ATP13A2: variants seen among roughly 807,000 people sequenced by gnomAD.
ATP13A2 encodes ATPase cation transporting 13A2.
A neutral mutation model predicts 138.3 loss-of-function variants in ATP13A2; 83 were observed. The observed-to-expected ratio is 0.60, with a 90% CI of 0.50 to 0.72. The LOEUF (loss-of-function observed/expected upper bound fraction) is 0.72, where lower values mean the gene tolerates loss of function less well. Ranked by LOEUF, ATP13A2 falls within the 30% of genes least tolerant of loss-of-function variation. ATP13A2 has a pLI of 0.00. For missense variants in ATP13A2, 1,402 were observed against 1,606.4 expected (o/e 0.87, Z 2.17); for synonymous variants, 663 against 699.0 (o/e 0.95, Z 0.81).
At position 16,993,853 on chromosome 1, in the gene ATP13A2, G is replaced by A. The variant is rs371249578; in HGVS notation, c.1543-18C>T. On this transcript the variant is annotated intron_variant, in intron 15 of 28. Transcript: ENST00000326735. ...GTGCCCGTCTGTGGGAGACAGGTGG[G>A]TGGGGCAGCGATGAGTCCTGGGATG... 5.2e-6 allele frequency: 8 copies of A among 1,537,250 alleles called. No individual in the cohort carries two copies. Among genetic ancestry groups the A allele is most frequent in the Admixed American group, 4.0e-5 (2 of 50,288 alleles).
At chr1:17,000,667 G>T in intron 8 of ATP13A2, 133 bp from the exon 9 acceptor site, 1 of 1,216,266 alleles carries the variant, frequency 8.2e-7, no homozygotes, top group Non-Finnish European at 1.1e-6. Context: ...CTTTCTCCTG[G>T]TCAATCCCAT....
At position 16,986,786 on chromosome 1, in the gene ATP13A2, C is replaced by T. The variant is rs1166217990; in HGVS notation, c.3235+19G>A. 1.9e-6 allele frequency: 3 copies of T among 1,609,424 alleles called. No homozygotes were observed. Among genetic ancestry groups the T allele is most frequent in the Non-Finnish European group, 2.5e-6 (3 of 1,178,640 alleles). On this transcript the variant is annotated intron_variant, in intron 27 of 28. Coordinates refer to ENST00000326735, the MANE Select transcript of ATP13A2 (RefSeq NM_022089.4). The surrounding 1 kb of genome is among the most constrained non-coding windows in gnomAD (Gnocchi z 6.9). The stretch of plus-strand genomic sequence containing the variant: ...TCCCTCCCTCCGCCAGCATCTCCCG[C>T]CCGCGCCCGCAGTGGCACCATTGGT...
chr1:16,989,846 G>T (rs778854959), intron 22 of ATP13A2, 41 bp downstream of exon 22: 2 of 1,610,270 alleles, frequency 1.2e-6, no homozygotes, highest in Non-Finnish European at 1.7e-6. Context: ...AGACAGAGCA[G>T]GGGAGGCGCA....
rs2101106770 is a variant in ATP13A2, at chr1:17,004,935, T to G, written c.347+79A>C. The G allele has an allele frequency of 1.2e-6, 2 of 1,608,334 alleles. No homozygotes were observed. The highest frequency in any genetic ancestry group is 8.5e-7 in the Non-Finnish European group (1 of 1,176,682). On this transcript the variant is annotated intron_variant, in intron 4 of 28. Coordinates refer to ENST00000326735, the MANE Select transcript of ATP13A2 (RefSeq NM_022089.4). The surrounding 1 kb of genome is among the most constrained non-coding windows in gnomAD (Gnocchi z 4.1). ...TGGGAGGCGCCAGAGTCAGCCTTTA[T>G]GGGGGGGCCGAGGGTTGGGGAAGTT... is the stretch of plus-strand genomic sequence containing the variant.
At chr1:17,005,922 G>T in intron 1 of ATP13A2, 144 bp from the exon 2 acceptor site, 2 of 705,658 alleles carry the variant, frequency 2.8e-6, no homozygotes, top group South Asian at 1.8e-5. Context: ...ATCACCTGAG[G>T]TTAGAAGTTC....
At chr1:17,005,243 G>C in intron 3 of ATP13A2, 131 bp downstream of exon 3, 1 of 1,470,450 alleles carries the variant, frequency 6.8e-7, no homozygotes, top group Non-Finnish European at 9.3e-7. Context: ...GAAAGCTGAG[G>C]TCCAGAGAAG....
At position 16,992,533 on chromosome 1, in the gene ATP13A2, A is replaced by G; in HGVS notation, c.1798T>C (p.Leu600=). ...AADSAFGTQV[L]AVMRPPLWEP... ...CAAAGTGGGGGTCTCATCACTGCCA[A>G]GACCTGGGTCCCAAATGCTGAGTCT... Residue 600 remains leucine (L), a synonymous_variant, in exon 17 of 29, where the codon TTG becomes CTG. Transcript: ENST00000326735. 4 of 1,614,214 alleles carry G rather than the reference A, an allele frequency of 2.5e-6. No individual in the cohort carries two copies. The highest frequency in any genetic ancestry group is 3.4e-6 in the Non-Finnish European group (4 of 1,180,028).
chr1:17,002,856 C>G (rs1026273989), intron 6 of ATP13A2, among the ~76,000 whole-genome samples: 1 of 152,200 alleles, frequency 6.6e-6, no homozygotes, highest in Non-Finnish European at 1.5e-5. Flanking sequence ...TTATCCCCAT[C>G]ATGCAGCAGA....
At chr1:17,006,395 C>T (rs1419597882) in intron 1 of ATP13A2, among the ~76,000 whole-genome samples, 6 of 151,622 alleles carry the variant, frequency 4.0e-5, no homozygotes, top group African/African-American at 1.5e-4. Flanking sequence ...GGATTATAGG[C>T]ATGCACCACC....
At chr1:17,007,869 A>G (rs935896906) in intron 1 of ATP13A2, among the ~76,000 whole-genome samples, 1 of 149,188 alleles carries the variant, frequency 6.7e-6, no homozygotes, top group Admixed American at 6.7e-5. Flanking sequence ...TAAAATTTCT[A>G]CCCAAAGAGT....
At chr1:17,003,174 T>G (rs989081462) in intron 6 of ATP13A2, among the ~76,000 whole-genome samples, 1 of 152,084 alleles carries the variant, frequency 6.6e-6, no homozygotes, top group Admixed American at 6.6e-5. Context: ...CGTGCTTCCA[T>G]CCCTTCCCCA....
chr1:17,007,797 C>T (rs951002364), intron 1 of ATP13A2, among the ~76,000 whole-genome samples: 7 of 152,010 alleles, frequency 4.6e-5, no homozygotes, highest in Non-Finnish European at 8.8e-5. Context: ...GTGATCCGCC[C>T]GCCTCGGCCT....
chr1:16,997,065 G>A lies in ATP13A2; in HGVS notation c.1150C>T (p.Arg384Trp), dbSNP rs759534355. Reference sequence around the variant, plus strand: ...AGGACGTGCGGTCCCACATAGGCCCGGGCCTGCAAGATGAGGGTCCCGCAG... The same window carrying A: ...AGGACGTGCGGTCCCACATAGGCCCAGGCCTGCAAGATGAGGGTCCCGCAG... ...LFCGTLILQA[R>W]AYVGPHVLAV... The change falls in exon 12 of 29, where the codon CGG becomes TGG. Residue 384 changes from arginine to tryptophan, a missense_variant. By Grantham distance (101) the Arg-to-Trp change is moderately radical. Transcript: ENST00000326735. The A allele has an allele frequency of 7.4e-6, 12 of 1,613,218 alleles. No individual in the cohort carries two copies. The African/African-American group carries it at 1.3e-4, about 18-fold the overall frequency.
At chr1:16,993,030 C>T (rs1481879187) in intron 16 of ATP13A2, among the ~76,000 whole-genome samples, 1 of 152,102 alleles carries the variant, frequency 6.6e-6, no homozygotes, top group Non-Finnish European at 1.5e-5. Context: ...ATTCTCCTGC[C>T]CTCAGCCTCC....
At chr1:17,007,830 C>T (rs1467318345) in intron 1 of ATP13A2, among the ~76,000 whole-genome samples, 1 of 152,080 alleles carries the variant, frequency 6.6e-6, no homozygotes, top group East Asian at 1.9e-4. Context: ...GGATTACAGG[C>T]GTGAGCCACA....
rs4920618 is a variant in ATP13A2, at chr1:17,008,101, C to T, written c.11-2323G>A. ...CTTGTAGCCTCGGCTTCCCAAAGTG[C>T]TGGGATTACAGGCGTGAGCCACCAT... On this transcript the variant is annotated intron_variant, in intron 1 of 28. Coordinates refer to ENST00000326735, the MANE Select transcript of ATP13A2 (RefSeq NM_022089.4). Among the ~76,000 whole-genome samples the T allele has an allele frequency of 2.0e-5, 3 of 152,222 alleles. No individual in the cohort carries two copies. In the East Asian group the frequency reaches 5.8e-4, roughly 29 times the overall value.
At position 17,009,812 on chromosome 1, in the gene ATP13A2, T is replaced by C. The variant is rs533797977; in HGVS notation, c.10+1917A>G. Among the ~76,000 whole-genome samples, 7 of 152,274 alleles carry C rather than the reference T, an allele frequency of 4.6e-5. No homozygotes were observed. The South Asian group carries it at 1.4e-3, about 32-fold the overall frequency. On this transcript the variant is annotated intron_variant, in intron 1 of 28. Transcript: ENST00000326735. ...CAATCGTATGACTGTCACTTCACAA[T>C]GACACTCTCTCAGTCAACCTTGGCA... is the stretch of plus-strand genomic sequence containing the variant.
intron 3 of ATP13A2, 60 bp downstream of exon 3, chr1:17,005,314 C>T (rs888526990): frequency 1.3e-6 from 2 of 1,551,696 alleles, no homozygotes; most frequent in Non-Finnish European, 1.7e-6. Context: ...CAAGCATCCT[C>T]CACCCCCGAC....
At chr1:16,988,963 G>C (rs570024429) in intron 23 of ATP13A2, among the ~76,000 whole-genome samples, 18 of 150,946 alleles carry the variant, frequency 1.2e-4, no homozygotes, top group Non-Finnish European at 2.2e-4. Context: ...GTCTCCCTCT[G>C]TTGCCCAGGC....
Sources: gnomAD v4.1 joint callset for allele counts (sites outside exome capture counted in the v4.1 genomes callset) on GRCh38, gnomAD v4.1.1 for gene constraint, Gnocchi (gnomAD v3.1) non-coding constraint, MANE v1.5 for transcripts, NCBI Gene and HGNC (gene_info 2026-07-23, HGNC 2026-07-21) for gene names.